Variants in HCN1 observed in about 807,000 individuals in gnomAD.
HCN1 encodes the protein potassium/sodium hyperpolarization-activated cyclic nucleotide-gated channel 1.
Under a neutral mutation model 78.9 loss-of-function variants are expected in HCN1, and 13 were observed. The observed-to-expected ratio is 0.16, with a 90% CI of 0.11 to 0.26. HCN1 has a LOEUF of 0.26. Ranked by LOEUF, HCN1 falls within the 10% of genes least tolerant of loss-of-function variation. HCN1 has a pLI of 1.00. For synonymous variants in HCN1, 552 were observed against 455.5 expected, an observed-to-expected ratio of 1.21 and a Z score of -2.70; for missense variants, 810 against 1,154.3, an observed-to-expected ratio of 0.70 and a Z score of 4.32.
intron 6 of HCN1, among the ~76,000 whole-genome samples, chr5:45,274,909 T>G (rs912135689): frequency 1.3e-5 from 2 of 152,200 alleles, no homozygotes; most frequent in African/African-American, 4.8e-5. Flanking sequence ...TACTAAACTA[T>G]AAGGTCTTTA....
At chr5:45,630,467 G>C (rs967043974) in intron 2 of HCN1, among the ~76,000 whole-genome samples, 2 of 152,152 alleles carry the variant, frequency 1.3e-5, no homozygotes, top group African/African-American at 2.4e-5. Context: ...ATAGCATGTG[G>C]CTCCACAGTA....
intron 3 of HCN1, among the ~76,000 whole-genome samples, chr5:45,397,289 A>T (rs1739705718): frequency 6.6e-6 from 1 of 152,126 alleles, no homozygotes; most frequent in Admixed American, 6.6e-5. Context: ...AGTGATGTAT[A>T]TTGTAATTTG....
chr5:45,302,774 T>C (rs920534353), intron 6 of HCN1, among the ~76,000 whole-genome samples: 2 of 152,124 alleles, frequency 1.3e-5, no homozygotes, highest in Non-Finnish European at 2.9e-5. Flanking sequence ...TGGGGGCTGG[T>C]CTTTCCCATG....
At chr5:45,656,975 T>C (rs1338960936) in intron 1 of HCN1, among the ~76,000 whole-genome samples, 1 of 152,086 alleles carries the variant, frequency 6.6e-6, no homozygotes, top group Non-Finnish European at 1.5e-5. Flanking sequence ...TTTGATATTA[T>C]ACTGCATTGA....
At chr5:45,676,185 T>C (rs1746263333) in intron 1 of HCN1, among the ~76,000 whole-genome samples, 1 of 151,836 alleles carries the variant, frequency 6.6e-6, no homozygotes, top group African/African-American at 2.4e-5. Flanking sequence ...ACATATACTT[T>C]GTCACTTAAG....
chr5:45,449,448 A>T (rs1740866254), intron 3 of HCN1, among the ~76,000 whole-genome samples: 1 of 152,138 alleles, frequency 6.6e-6, no homozygotes, highest in Admixed American at 6.5e-5. Flanking sequence ...TATGCTTTTT[A>T]CTGTCAACTA....
chr5:45,380,211 T>C (rs1462333677), intron 4 of HCN1, among the ~76,000 whole-genome samples: 1 of 152,074 alleles, frequency 6.6e-6, no homozygotes, highest in African/African-American at 2.4e-5. Context: ...GGTGCCTTGT[T>C]GCTGTTTACT....
intron 3 of HCN1, among the ~76,000 whole-genome samples, chr5:45,451,756 A>G (rs137987163): frequency 1.3e-5 from 2 of 152,124 alleles, no homozygotes; most frequent in South Asian, 2.1e-4. Flanking sequence ...GGCCAAAAAC[A>G]TAGTTTCTGG....
At chr5:45,296,799 T>C (rs1157115666) in intron 6 of HCN1, among the ~76,000 whole-genome samples, 1 of 151,966 alleles carries the variant, frequency 6.6e-6, no homozygotes, top group African/African-American at 2.4e-5. Context: ...TAAAAGAGAA[T>C]GATTCAAGCA....
chr5:45,403,566 A>T (rs564939918), intron 3 of HCN1, among the ~76,000 whole-genome samples: 1 of 152,252 alleles, frequency 6.6e-6, no homozygotes, highest in East Asian at 1.9e-4. Context: ...CTCACTCACT[A>T]TCATGAGAAC....
intron 2 of HCN1, chr5:45,558,086 A>G (rs1743512059): frequency 6.6e-6 from 1 of 151,864 alleles, no homozygotes; most frequent in Admixed American, 6.6e-5. Context: ...CAAAGGAAAA[A>G]TCCTTGAAGG....
intron 1 of HCN1, among the ~76,000 whole-genome samples, chr5:45,660,236 T>C (rs1474005217): frequency 5.3e-5 from 6 of 113,518 alleles, no homozygotes; most frequent in African/African-American, 2.2e-4. Context: ...TAAAATACTT[T>C]ATAGACAAGC....
rs1240567618 is a variant in HCN1 at position 45,680,922 on chromosome 5, T to C, written c.425+14747A>G. Among the ~76,000 whole-genome samples, 5 of 152,128 alleles carry C rather than the reference T, an allele frequency of 3.3e-5. No homozygotes were observed. In the East Asian group the frequency reaches 7.7e-4, roughly 23 times the overall value. On this transcript the variant is annotated intron_variant, in intron 1 of 7. Transcript: ENST00000303230. ...AAATTCTTACCCTTTTTGAAGCTTA[T>C]CTTTGGCTTCTTCAAGTGGGATCCT...
chr5:45,321,312 C>A (rs1461980619), intron 5 of HCN1, among the ~76,000 whole-genome samples: 1 of 151,732 alleles, frequency 6.6e-6, no homozygotes, highest in Non-Finnish European at 1.5e-5. Flanking sequence ...GGGGGAAAAA[C>A]AACGTAACAA....
intron 4 of HCN1, among the ~76,000 whole-genome samples, chr5:45,370,336 C>G (rs999698442): frequency 6.6e-5 from 10 of 151,846 alleles, no homozygotes; most frequent in African/African-American, 2.2e-4. Flanking sequence ...CCCTATTTTC[C>G]TGCCTTAAAA....
chr5:45,449,214 T>C (rs977521536), intron 3 of HCN1, among the ~76,000 whole-genome samples: 4 of 152,218 alleles, frequency 2.6e-5, no homozygotes, highest in African/African-American at 9.7e-5. Flanking sequence ...GTAACCAAGG[T>C]ACAAATATGT....
chr5:45,577,553 A>G (rs1167381446), intron 2 of HCN1, among the ~76,000 whole-genome samples: 2 of 152,120 alleles, frequency 1.3e-5, no homozygotes, highest in African/African-American at 4.8e-5. Context: ...GTGATTATTT[A>G]TGTATTAAAT....
rs1056330501 is a variant in HCN1 at position 45,259,111 on chromosome 5, G to C, written c.*2810C>G. 18 of 151,944 alleles carry C rather than the reference G, an allele frequency of 1.2e-4. No individual in the cohort carries two copies. Among genetic ancestry groups the C allele is most frequent in the Non-Finnish European group, 2.4e-4 (16 of 67,868 alleles). The allele number at this position is 151,944 out of a possible 1,614,324, so 9.4% of individuals were successfully genotyped here. On this transcript the variant is annotated 3_prime_UTR_variant, in exon 8 of 8. Transcript: ENST00000303230. ...AAAGTCCTCTCATTCCAGAATTATAGAATATAATTGATTTTATGTGATTAT... is the reference window on the plus strand; with the variant it reads ...AAAGTCCTCTCATTCCAGAATTATACAATATAATTGATTTTATGTGATTAT...
At chr5:45,396,290 A>T (rs1739685402) in intron 4 of HCN1, among the ~76,000 whole-genome samples, 1 of 152,154 alleles carries the variant, frequency 6.6e-6, no homozygotes, top group Non-Finnish European at 1.5e-5. Flanking sequence ...ATTATTATTC[A>T]ACTGAGAAAT....
Sources: gnomAD v4.1 joint callset for allele counts (sites outside exome capture counted in the v4.1 genomes callset) on GRCh38, gnomAD v4.1.1 for gene constraint, MANE v1.5 for transcripts, NCBI Gene and HGNC (gene_info 2026-07-23, HGNC 2026-07-21) for gene names.